The following ANKS1B variants were observed in gnomAD, a reference collection of about 807,000 sequenced individuals.
The protein encoded by ANKS1B is ankyrin repeat and sterile alpha motif domain-containing protein 1B.
In ANKS1B, 36 loss-of-function variants were observed where a neutral mutation model predicts 148.3. The observed-to-expected ratio is 0.24, with a 90% CI of 0.19 to 0.32. The LOEUF (loss-of-function observed/expected upper bound fraction) is 0.32. ANKS1B is among the 10% of genes least tolerant of loss of function. ANKS1B has a pLI of 1.00. For synonymous variants in ANKS1B, 542 were observed against 560.8 expected, an observed-to-expected ratio of 0.97 and a Z score of 0.47; for missense variants, 1,157 against 1,542.6, an observed-to-expected ratio of 0.75 and a Z score of 4.19.
Position 99,327,168 on chromosome 12 carries a change from AT to A in ANKS1B, c.1756+72462del, listed in dbSNP as rs1441966718. ...AATAATATATAATATATAATATATA[AT>A]TATATTATATATTTATTATAATTAT... On this transcript the variant is annotated intron_variant, in intron 12 of 26. Coordinates refer to ENST00000683438, the MANE Select transcript of ANKS1B (RefSeq NM_001352186.2). Among the ~76,000 whole-genome samples the A allele has an allele frequency of 7.5e-5, 9 of 119,776 alleles. No individual in the cohort carries two copies. The Admixed American group carries it at 9.3e-4, about 12-fold the overall frequency. The allele number at this position is 119,776 out of a possible 152,430, so 78.6% of individuals were successfully genotyped here. A position where few individuals can be genotyped will look rare whatever the true frequency, so the allele number is the denominator to read the frequency against.
chr12:99,822,527 G>A (rs11613285), intron 2 of ANKS1B, among the ~76,000 whole-genome samples: 22,324 of 152,206 alleles, frequency 0.15, 2,049 homozygotes, highest in Non-Finnish European at 0.21. Context: ...CCACTTATAA[G>A]TGAGAACATG....
chr12:99,539,186 A>G (rs906349647), intron 9 of ANKS1B, among the ~76,000 whole-genome samples: 4 of 152,200 alleles, frequency 2.6e-5, no homozygotes, highest in African/African-American at 9.7e-5. Flanking sequence ...TAAAAAACGT[A>G]AAAAGTGTGG....
rs78952360 is a variant in ANKS1B, at chr12:99,286,967, G to T, written c.1757-40103C>A. Among the ~76,000 whole-genome samples the T allele has an allele frequency of 4.1e-3, 625 of 152,238 alleles. 18 individuals are homozygous for T. In the East Asian group the frequency reaches 0.066, roughly 16 times the overall value. On this transcript the variant is annotated intron_variant, in intron 12 of 26. Coordinates refer to ENST00000683438, the MANE Select transcript of ANKS1B (RefSeq NM_001352186.2). ...CATTTCTTGTCCCACTCTGGGCCAG[G>T]GGGGAGCTCACCACCCTGAAGGGAA...
chr12:99,984,342 T>G lies in ANKS1B; in HGVS notation c.-105A>C. 1 of 897,130 alleles carries G rather than the reference T, an allele frequency of 1.1e-6. No homozygotes were observed. The highest frequency in any genetic ancestry group is 1.5e-6 in the Non-Finnish European group (1 of 657,046). The allele number at this position is 897,130 out of a possible 1,614,324, so 55.6% of individuals were successfully genotyped here. A position where few individuals can be genotyped will look rare whatever the true frequency, so the allele number is the denominator to read the frequency against. On this transcript the variant is annotated 5_prime_UTR_variant, in exon 1 of 27. Transcript: ENST00000683438. The stretch of plus-strand genomic sequence containing the variant: ...GGGCCCTCTTCGCCCCACCCTAAAA[T>G]AATGCAAGAGCTTCAGCACGGAGAG...
intron 11 of ANKS1B, among the ~76,000 whole-genome samples, chr12:99,409,479 C>T (rs1042073480): frequency 1.4e-4 from 21 of 151,602 alleles, no homozygotes; most frequent in Non-Finnish European, 2.5e-4. Context: ...ATTTATTGTA[C>T]CTTTTAAAAT....
intron 8 of ANKS1B, among the ~76,000 whole-genome samples, chr12:99,742,454 T>A (rs1205513525): frequency 6.6e-6 from 1 of 152,132 alleles, no homozygotes; most frequent in South Asian, 2.1e-4. Context: ...AAGACTGGTA[T>A]GGAAGATGCA....
intron 15 of ANKS1B, among the ~76,000 whole-genome samples, chr12:99,115,489 G>A (rs1299972534): frequency 6.6e-6 from 1 of 152,102 alleles, no homozygotes; most frequent in African/African-American, 2.4e-5. Flanking sequence ...TTGGGAGAAG[G>A]GAGAAGAGCA....
intron 12 of ANKS1B, among the ~76,000 whole-genome samples, chr12:99,380,758 T>A (rs1280208886): frequency 2.5e-5 from 2 of 81,074 alleles, no homozygotes; most frequent in Non-Finnish European, 5.2e-5. Flanking sequence ...CCTTTCCTCC[T>A]TCCTTCCTTC....
chr12:99,888,742 T>G (rs967623431), intron 1 of ANKS1B, among the ~76,000 whole-genome samples: 22 of 152,154 alleles, frequency 1.4e-4, no homozygotes, highest in African/African-American at 5.3e-4. Context: ...TAAACTAATT[T>G]GCGATATTAA....
intron 14 of ANKS1B, among the ~76,000 whole-genome samples, chr12:99,235,687 T>A (rs2087770271): frequency 6.6e-6 from 1 of 152,212 alleles, no homozygotes; most frequent in Non-Finnish European, 1.5e-5. Flanking sequence ...AACATATGTA[T>A]GAAATTTTGA....
intron 1 of ANKS1B, among the ~76,000 whole-genome samples, chr12:99,964,813 G>A (rs902883829): frequency 3.9e-5 from 6 of 152,138 alleles, no homozygotes; most frequent in African/African-American, 1.4e-4. Context: ...AGGGTGAAGA[G>A]GTGTCTCTGC....
At chr12:98,938,174 T>G (rs1211390298) in intron 17 of ANKS1B, among the ~76,000 whole-genome samples, 1 of 152,230 alleles carries the variant, frequency 6.6e-6, no homozygotes, top group African/African-American at 2.4e-5. Context: ...TCATAAATAT[T>G]GATTAGCTAT....
chr12:99,297,976 G>A (rs1322676251), intron 12 of ANKS1B, among the ~76,000 whole-genome samples: 6 of 151,860 alleles, frequency 4.0e-5, no homozygotes, highest in Non-Finnish European at 8.8e-5. Flanking sequence ...TGTAAGGGGT[G>A]TGTGTGTCTG....
chr12:98,824,109 T>C (rs1174291767), intron 19 of ANKS1B, among the ~76,000 whole-genome samples: 1 of 152,218 alleles, frequency 6.6e-6, no homozygotes, highest in Non-Finnish European at 1.5e-5. Context: ...TCTAACAATG[T>C]TACAATAATA....
intron 14 of ANKS1B, among the ~76,000 whole-genome samples, chr12:99,184,339 T>C (rs2079520456): frequency 6.6e-6 from 1 of 152,186 alleles, no homozygotes; most frequent in Non-Finnish European, 1.5e-5. Flanking sequence ...GAAGGTTTCA[T>C]GGTGTGCAAG....
At chr12:99,455,140 G>C (rs2095824613) in intron 10 of ANKS1B, among the ~76,000 whole-genome samples, 1 of 152,066 alleles carries the variant, frequency 6.6e-6, no homozygotes, top group Non-Finnish European at 1.5e-5. Flanking sequence ...AGTGGTCCCT[G>C]TATTCATCTT....
chr12:99,148,353 A>T (rs2073857525), intron 15 of ANKS1B, among the ~76,000 whole-genome samples: 2 of 152,144 alleles, frequency 1.3e-5, no homozygotes, highest in South Asian at 4.1e-4. Flanking sequence ...TAAAAATTTA[A>T]TCAGAGCAAC....
chr12:99,259,003 A>T (rs564139337), intron 12 of ANKS1B, among the ~76,000 whole-genome samples: 1 of 152,322 alleles, frequency 6.6e-6, no homozygotes, highest in South Asian at 2.1e-4. Context: ...AAGTCTCTGA[A>T]GTAGGTATTA....
chr12:98,877,289 A>G (rs1346422581), intron 17 of ANKS1B, among the ~76,000 whole-genome samples: 1 of 152,194 alleles, frequency 6.6e-6, no homozygotes, highest in Non-Finnish European at 1.5e-5. Flanking sequence ...TTATTTTCCA[A>G]AACTTCTAAT....
Sources: allele counts gnomAD v4.1 joint callset (sites outside exome capture counted in the v4.1 genomes callset), GRCh38; gene constraint gnomAD v4.1.1; transcripts MANE v1.5; gene names NCBI Gene and HGNC (gene_info 2026-07-23, HGNC 2026-07-21).